NAXD: variants seen among roughly 807,000 people sequenced by gnomAD.
NAXD encodes NAD(P)HX dehydratase.
A neutral mutation model predicts 35.8 loss-of-function variants in NAXD; 22 were observed. The observed-to-expected ratio is 0.62, with a 90% confidence interval of 0.44 to 0.88. NAXD has a LOEUF of 0.88. Ranked by LOEUF, NAXD falls within the 40% of genes least tolerant of loss-of-function variation. NAXD has a pLI of 0.00. For synonymous variants in NAXD, 189 were observed against 177.6 expected (o/e 1.06, Z -0.51); for missense variants, 428 against 437.7 (o/e 0.98, Z 0.20).
intron 9 of NAXD, among the ~76,000 whole-genome samples, chr13:110,637,541 T>C (rs546725785): frequency 1.2e-4 from 19 of 152,238 alleles, no homozygotes; most frequent in African/African-American, 4.3e-4. Flanking sequence ...TTCTGGGAAG[T>C]TGAGTGGTTT....
chr13:110,622,905 G>A (rs1481402272), intron 2 of NAXD, among the ~76,000 whole-genome samples: 1 of 152,144 alleles, frequency 6.6e-6, no homozygotes, highest in East Asian at 1.9e-4. Flanking sequence ...TGTTTGCATG[G>A]ATGTGGTATC....
chr13:110,637,843 C>A, intron 9 of NAXD: 1 of 470,778 alleles, frequency 2.1e-6, no homozygotes, highest in Non-Finnish European at 4.2e-6. Flanking sequence ...CTCATGTGTC[C>A]TCATTGCCGG....
chr13:110,629,056 A>G (rs1886609208), intron 5 of NAXD, among the ~76,000 whole-genome samples: 1 of 152,214 alleles, frequency 6.6e-6, no homozygotes, highest in African/African-American at 2.4e-5. Context: ...GAGAGCCCTC[A>G]GGTCATCTAG....
chr13:110,635,562 G>A lies in NAXD; in HGVS notation c.692G>A (p.Arg231His), dbSNP rs144532361. 58 of 1,614,056 alleles carry A rather than the reference G, an allele frequency of 3.6e-5. No individual in the cohort carries two copies. The highest frequency in any genetic ancestry group is 3.3e-4 in the Middle Eastern group (2 of 6,060). Residue 231 changes from arginine (R) to histidine (H), a missense_variant, in exon 8 of 10, where the codon CGC becomes CAC. Around this residue, in one of 3 missense-constraint regions of NAXD, gnomAD observed 209 missense variants for 214.6 expected, o/e 0.97. Transcript: ENST00000680254. Reference protein sequence around the residue: ...GNVTVVQKGERDILSNGQQVL... With the variant: ...GNVTVVQKGEHDILSNGQQVL... ...GTGACGGTGGTCCAGAAAGGAGAGC[G>A]CGACATCCTCTCCAACGGCCAGCAG...
intron 1 of NAXD, among the ~76,000 whole-genome samples, chr13:110,620,965 A>C (rs977768095): frequency 1.3e-5 from 2 of 152,248 alleles, no homozygotes; most frequent in Non-Finnish European, 2.9e-5. Flanking sequence ...TTTCTCTCAT[A>C]GCCGAGCTGT....
chr13:110,637,369 T>A, intron 9 of NAXD, 120 bp downstream of exon 9: 1 of 1,216,142 alleles, frequency 8.2e-7, no homozygotes, highest in Non-Finnish European at 1.2e-6. Flanking sequence ...TAGGCTTCAC[T>A]GGAGAGATCT....
chr13:110,633,527 G>A (rs546346213), intron 5 of NAXD, among the ~76,000 whole-genome samples: 1 of 152,370 alleles, frequency 6.6e-6, no homozygotes, highest in Non-Finnish European at 1.5e-5. Context: ...CAAAGTGGGA[G>A]CCCAGGCAGA....
At chr13:110,627,246 C>T (rs762106769) in intron 4 of NAXD, among the ~76,000 whole-genome samples, 193 bp from the exon 5 acceptor site, 6 of 152,198 alleles carry the variant, frequency 3.9e-5, no homozygotes, top group Admixed American at 3.9e-4. Flanking sequence ...GAGGCGTTAA[C>T]CTCGGGGAGG....
Position 110,628,589 on chromosome 13 carries a change from G to A in NAXD, c.441+1042G>A, listed in dbSNP as rs2139642090. Among the ~76,000 whole-genome samples the A allele has an allele frequency of 6.6e-6, 1 of 152,250 alleles. No homozygotes were observed. Among genetic ancestry groups the A allele is most frequent in the South Asian group, 2.1e-4 (1 of 4,818 alleles). On this transcript the variant is annotated intron_variant, in intron 5 of 9. Transcript: ENST00000680254. This position sits in a 1 kb window ranked among gnomAD's most constrained non-coding sequence, Gnocchi z 4.1. ...GCCAGCAGTGCAGGATGAGTCATCT[G>A]AGGGGCAGGCAGACGCAGGCTGACA...
At chr13:110,619,064 C>G (rs1033795568) in intron 1 of NAXD, among the ~76,000 whole-genome samples, 2 of 152,186 alleles carry the variant, frequency 1.3e-5, no homozygotes, top group African/African-American at 4.8e-5. Flanking sequence ...ATTGGTGCTC[C>G]CCTCCACCTG....
At chr13:110,616,182 CG>C in intron 1 of NAXD, 1 of 188,950 alleles carries the variant, frequency 5.3e-6, no homozygotes, top group Non-Finnish European at 1.1e-5. Context: ...GAGCTGGATA[CG>C]GGGGCCCTCC....
At position 110,638,467 on chromosome 13, in the gene NAXD, C is replaced by T; in HGVS notation, c.929C>T (p.Thr310Ile). The T allele has an allele frequency of 6.2e-7, 1 of 1,613,372 alleles. No individual in the cohort carries two copies. Among genetic ancestry groups the T allele is most frequent in the South Asian group, 1.1e-5 (1 of 91,078 alleles). ...HQAFQKHGRS[T>I]TTSDMIAEVG... is the part of the protein sequence containing the mutation. ...GCCTTCCAGAAGCACGGTCGCTCCA[C>T]CACCACCTCCGACATGATCGCCGAG... The change falls in exon 10 of 10, where the codon ACC (threonine) becomes ATC (isoleucine). Residue 310 changes from threonine (T) to isoleucine (I), a missense_variant. This residue lies in a region of NAXD where 209 missense variants were observed against 214.6 expected (regional missense o/e 0.97). Coordinates refer to ENST00000680254, the MANE Select transcript of NAXD (RefSeq NM_001242882.2). The surrounding 1 kb of genome is among the most constrained non-coding windows in gnomAD (Gnocchi z 5.4).
chr13:110,638,206 G>T lies in NAXD; in HGVS notation c.840-172G>T. The T allele has an allele frequency of 6.5e-7, 1 of 1,528,338 alleles. No individual in the cohort carries two copies. Among genetic ancestry groups the T allele is most frequent in the South Asian group, 1.3e-5 (1 of 77,144 alleles). The allele number at this position is 1,528,338 out of a possible 1,614,324, so 94.7% of individuals were successfully genotyped here. A position where few individuals can be genotyped will look rare whatever the true frequency, so the allele number is the denominator to read the frequency against. The stretch of plus-strand genomic sequence containing the variant: ...GCCAGGGAGTAGTGGAGGGTTAATG[G>T]TGGTTTTCGCTGTGATAAACCTGCT... On this transcript the variant is annotated intron_variant, in intron 9 of 9. Transcript: ENST00000680254. The surrounding 1 kb of genome is among the most constrained non-coding windows in gnomAD (Gnocchi z 5.4).
Position 110,615,586 on chromosome 13 carries a change from T to C in NAXD, c.-16T>C. 7.4e-7 allele frequency: 1 copy of C among 1,355,402 alleles called. No homozygotes were observed. The allele number at this position is 1,355,402 out of a possible 1,614,324, so 84.0% of individuals were successfully genotyped here. On this transcript the variant is annotated 5_prime_UTR_variant, in exon 1 of 10. Transcript: ENST00000680254. ...GCGACGGCGCGGGGGCAGCTGGGAA[T>C]CCGGAATGCTGCCCGATGGCCCTGG...
At chr13:110,622,932 T>TC (rs984256547) in intron 2 of NAXD, among the ~76,000 whole-genome samples, 3 of 152,272 alleles carry the variant, frequency 2.0e-5, no homozygotes, top group African/African-American at 7.2e-5. Flanking sequence ...TGCCCATCCC[T>TC]CCATTTGCAG....
At chr13:110,620,026 T>G (rs1331211763) in intron 1 of NAXD, among the ~76,000 whole-genome samples, 4 of 151,998 alleles carry the variant, frequency 2.6e-5, no homozygotes, top group Admixed American at 2.6e-4. Context: ...CTCGAACTCC[T>G]GACCTCAAGT....
chr13:110,627,652 C>G, intron 5 of NAXD, 105 bp downstream of exon 5: 4 of 743,460 alleles, frequency 5.4e-6, no homozygotes, highest in Non-Finnish European at 9.3e-6. Flanking sequence ...CCGTGTGCCT[C>G]TTTGTGGCAT....
chr13:110,635,713 C>A, intron 8 of NAXD, 125 bp downstream of exon 8: 1 of 1,105,356 alleles, frequency 9.0e-7, no homozygotes, highest in Non-Finnish European at 1.3e-6. Flanking sequence ...CACAGGGATT[C>A]CTGATGAGCT....
intron 8 of NAXD, among the ~76,000 whole-genome samples, 187 bp downstream of exon 8, chr13:110,635,775 C>T (rs1280790096): frequency 6.6e-6 from 1 of 152,200 alleles, no homozygotes; most frequent in Non-Finnish European, 1.5e-5. Flanking sequence ...ACTGTTTTGC[C>T]AGGGGAGGTG....
Sources: gnomAD v4.1 joint callset for allele counts (sites outside exome capture counted in the v4.1 genomes callset) on GRCh38, gnomAD v4.1.1 for gene constraint, gnomAD v4.1.1 regional missense constraint, Gnocchi (gnomAD v3.1) non-coding constraint, MANE v1.5 for transcripts, NCBI Gene and HGNC (gene_info 2026-07-23, HGNC 2026-07-21) for gene names.